RASGRP3: variants seen among roughly 807,000 people sequenced by gnomAD.
The protein encoded by RASGRP3 is RAS guanyl releasing protein 3.
A neutral mutation model predicts 82.7 loss-of-function variants in RASGRP3; 54 were observed. That is an observed-to-expected ratio of 0.65 (90% CI 0.52 to 0.82). The LOEUF is 0.82. RASGRP3 is among the 40% of genes least tolerant of loss of function. The probability of loss-of-function intolerance (pLI) is 0.00; values close to 1 mark genes in which losing one functional copy is unlikely to be tolerated. For synonymous variants in RASGRP3, 309 were observed against 300.5 expected, an observed-to-expected ratio of 1.03 and a Z score of -0.29; for missense variants, 861 against 828.9, an observed-to-expected ratio of 1.04 and a Z score of -0.48.
chr2:33,517,931 A>G (rs777159085), intron 4 of RASGRP3, among the ~76,000 whole-genome samples: 12 of 152,210 alleles, frequency 7.9e-5, no homozygotes, highest in Non-Finnish European at 1.6e-4. Flanking sequence ...TGCTCATGCT[A>G]TATCCACAGT....
intron 9 of RASGRP3, among the ~76,000 whole-genome samples, chr2:33,525,093 AC>A (rs1216911052): frequency 6.8e-6 from 1 of 146,898 alleles, no homozygotes; most frequent in African/African-American, 2.5e-5. Context: ...AAAAAAAAAA[AC>A]CAAAAAAAAA....
At chr2:33,557,710 GAA>G (rs59650410) in intron 15 of RASGRP3, among the ~76,000 whole-genome samples, 10 of 129,650 alleles carry the variant, frequency 7.7e-5, no homozygotes, top group East Asian at 2.3e-4. Flanking sequence ...ACTCCATCTC[GAA>G]AAAAAAAAAA....
At chr2:33,519,221 G>A (rs1043523370) in intron 4 of RASGRP3, among the ~76,000 whole-genome samples, 5 of 152,086 alleles carry the variant, frequency 3.3e-5, no homozygotes, top group African/African-American at 4.8e-5. Context: ...TAATCTTATT[G>A]GACCACTGTC....
intron 14 of RASGRP3, among the ~76,000 whole-genome samples, chr2:33,552,780 G>A (rs1292284704): frequency 6.6e-6 from 1 of 151,900 alleles, no homozygotes; most frequent in Non-Finnish European, 1.5e-5. Context: ...GAGGTCTGGA[G>A]AAGTTAAGTG....
rs577975008 is a variant in RASGRP3 at position 33,525,109 on chromosome 2, A to C, written c.807+561A>C. On this transcript the variant is annotated intron_variant, in intron 9 of 17. Coordinates refer to ENST00000403687, the MANE Select transcript of RASGRP3 (RefSeq NM_001139488.2). ...AAAAAAAAAACCAAAAAAAAAAAAAAAAACTCAACATATTGTAGTGGTAAA... is the reference window on the plus strand; with the variant it reads ...AAAAAAAAAACCAAAAAAAAAAAAACAAACTCAACATATTGTAGTGGTAAA... Among the ~76,000 whole-genome samples the C allele has an allele frequency of 6.4e-4, 97 of 151,802 alleles. 1 individual carries two copies. Among genetic ancestry groups the C allele is most frequent in the African/African-American group, 2.3e-3 (94 of 41,416 alleles).
Position 33,539,517 on chromosome 2 carries a change from T to C in RASGRP3, c.1278+307T>C, listed in dbSNP as rs557209050. Reference sequence around the variant, plus strand: ...AGGGATTGGGGATTAGAATCACTCATGAAAAACCCACATAGGTCCCACTAA... The same window carrying C: ...AGGGATTGGGGATTAGAATCACTCACGAAAAACCCACATAGGTCCCACTAA... On this transcript the variant is annotated intron_variant, in intron 12 of 17. Transcript: ENST00000403687. 285 of 176,268 alleles carry C rather than the reference T, an allele frequency of 1.6e-3. 10 individuals are homozygous for C. The highest frequency in any genetic ancestry group is 6.3e-3 in the African/African-American group (263 of 41,502). The allele number at this position is 176,268 out of a possible 1,614,324, so 10.9% of individuals were successfully genotyped here.
At chr2:33,533,753 G>A (rs1399050916) in intron 10 of RASGRP3, 1 of 153,090 alleles carries the variant, frequency 6.5e-6, no homozygotes, top group Non-Finnish European at 1.5e-5. Flanking sequence ...CACTTAAAGT[G>A]GAGCAACTAC....
At chr2:33,456,128 AT>A (rs1209869295) in intron 2 of RASGRP3, among the ~76,000 whole-genome samples, 4 of 152,208 alleles carry the variant, frequency 2.6e-5, no homozygotes, top group African/African-American at 9.6e-5. Flanking sequence ...CCTTCAATTA[AT>A]TTCAAGCCTT....
chr2:33,538,510 A>ATAAATACG (rs1673890621), intron 11 of RASGRP3, among the ~76,000 whole-genome samples: 1 of 134,434 alleles, frequency 7.4e-6, no homozygotes, highest in South Asian at 2.5e-4. Flanking sequence ...CTCAAAATAA[A>ATAAATACG]TAAATAAATA....
intron 1 of RASGRP3, among the ~76,000 whole-genome samples, chr2:33,494,202 G>A (rs767307362): frequency 3.6e-4 from 55 of 152,084 alleles, no homozygotes; most frequent in Non-Finnish European, 5.6e-4. Context: ...ATTCTGTGTC[G>A]CCTACTAGCA....
intron 17 of RASGRP3, chr2:33,559,543 C>T (rs1027816185): frequency 2.0e-6 from 1 of 505,350 alleles, no homozygotes; most frequent in East Asian, 5.5e-5. Flanking sequence ...AAACCAGGCT[C>T]TGCCTCCGCA....
chr2:33,543,049 G>A (rs78539363), intron 12 of RASGRP3, among the ~76,000 whole-genome samples: 15 of 151,824 alleles, frequency 9.9e-5, no homozygotes, highest in East Asian at 1.9e-4. Context: ...TGCCTTACTC[G>A]TTTGCCCAGG....
At chr2:33,495,260 G>A (rs1669202090) in intron 1 of RASGRP3, among the ~76,000 whole-genome samples, 1 of 152,212 alleles carries the variant, frequency 6.6e-6, no homozygotes, top group African/African-American at 2.4e-5. Flanking sequence ...CACAGACAGG[G>A]CAGGGGCTGG....
chr2:33,463,041 A>G (rs999433322), intron 2 of RASGRP3, among the ~76,000 whole-genome samples: 7 of 152,232 alleles, frequency 4.6e-5, no homozygotes, highest in African/African-American at 1.7e-4. Flanking sequence ...CAGAAGATCT[A>G]GATTCAGATT....
chr2:33,448,234 A>C (rs1665603080), intron 2 of RASGRP3, among the ~76,000 whole-genome samples: 1 of 152,148 alleles, frequency 6.6e-6, no homozygotes, highest in Non-Finnish European at 1.5e-5. Context: ...TAATTTATTC[A>C]ACTACTATTT....
Position 33,563,165 on chromosome 2 carries a change from G to T in RASGRP3, c.*428G>T. On this transcript the variant is annotated 3_prime_UTR_variant, in exon 18 of 18. Coordinates refer to ENST00000403687, the MANE Select transcript of RASGRP3 (RefSeq NM_001139488.2). ...GCTGTGGCAGGGAACAGTTAACAAG[G>T]AGTTTATTTAGAGGGGTTTTTTTCA... 5.8e-6 allele frequency: 1 copy of T among 172,618 alleles called. No individual in the cohort carries two copies. The allele number at this position is 172,618 out of a possible 1,614,324, so 10.7% of individuals were successfully genotyped here.
chr2:33,479,002 A>G (rs777385487), intron 1 of RASGRP3, among the ~76,000 whole-genome samples: 5 of 152,166 alleles, frequency 3.3e-5, no homozygotes, highest in Non-Finnish European at 5.9e-5. Context: ...TAGTTACTTG[A>G]CCATATGTAA....
chr2:33,440,890 G>GT (rs61047299), intron 1 of RASGRP3, among the ~76,000 whole-genome samples: 4,401 of 150,808 alleles, frequency 0.029, 204 homozygotes, highest in African/African-American at 0.097. Context: ...CTCCAAACTT[G>GT]TTTTTTTTTC....
At chr2:33,472,408 G>A (rs57320014), upstream of RASGRP3, among the ~76,000 whole-genome samples, 521 of 152,296 alleles carry the variant, frequency 3.4e-3, 3 homozygotes, top group African/African-American at 0.012. Context: ...CAGTCCTAGC[G>A]TGTAAAACAT....
Sources: allele counts gnomAD v4.1 joint callset (sites outside exome capture counted in the v4.1 genomes callset), GRCh38; gene constraint gnomAD v4.1.1; transcripts MANE v1.5; gene names NCBI Gene and HGNC (gene_info 2026-07-23, HGNC 2026-07-21).